The following GLYR1 variants were observed in gnomAD, a reference collection of about 807,000 sequenced individuals.
GLYR1 encodes cytokine-like nuclear factor N-PAC.
GLYR1 carries 21 observed loss-of-function variants against 72.7 expected under a neutral mutation model. That is an observed-to-expected ratio of 0.29 (90% CI 0.20 to 0.42). The LOEUF (loss-of-function observed/expected upper bound fraction) is 0.42, where lower values mean the gene tolerates loss of function less well. Among genes scored for constraint, GLYR1 ranks in the 10% least tolerant of loss-of-function variants. GLYR1 has a pLI of 1.00. For synonymous variants in GLYR1, 392 were observed against 270.2 expected (o/e 1.45, Z -4.42); for missense variants, 594 against 712.1 (o/e 0.83, Z 1.89).
chr16:4,823,523 C>T (rs1567719838), intron 6 of GLYR1, among the ~76,000 whole-genome samples: 1 of 152,142 alleles, frequency 6.6e-6, no homozygotes, highest in Non-Finnish European at 1.5e-5. Context: ...CTTGTGGAAT[C>T]ATCCCACTTT....
In GLYR1 at chr16:4,847,274, C is replaced by A. The variant is rs1268119838; in HGVS notation, c.-9G>T. Reference sequence around the variant, plus strand: ...AGACTCACAGCCGCCATCTTACCACCCAACCACCGCCGACGCACGGGCCGC... The same window carrying A: ...AGACTCACAGCCGCCATCTTACCACACAACCACCGCCGACGCACGGGCCGC... On this transcript the variant is annotated 5_prime_UTR_variant, in exon 1 of 16. Transcript: ENST00000321919. 10 of 1,610,042 alleles carry A rather than the reference C, an allele frequency of 6.2e-6. No individual in the cohort carries two copies. The African/African-American group carries it at 1.1e-4, about 17-fold the overall frequency.
At chr16:4,809,865 G>C (rs1367378440) in intron 15 of GLYR1, among the ~76,000 whole-genome samples, 1 of 150,216 alleles carries the variant, frequency 6.7e-6, no homozygotes, top group Non-Finnish European at 1.5e-5. Flanking sequence ...CAGAGGTTGC[G>C]GTGAGCCGAG....
chr16:4,838,720 G>A (rs952901904), intron 3 of GLYR1, among the ~76,000 whole-genome samples: 2 of 151,934 alleles, frequency 1.3e-5, no homozygotes, highest in Admixed American at 1.3e-4. Flanking sequence ...CCGAGTAGCT[G>A]GGACTACAGG....
chr16:4,844,272 A>T (rs2085787316), intron 3 of GLYR1, among the ~76,000 whole-genome samples: 1 of 152,230 alleles, frequency 6.6e-6, no homozygotes, highest in East Asian at 1.9e-4. Context: ...AGAGTCTCAG[A>T]TTAATGGTCC....
intron 14 of GLYR1, 90 bp downstream of exon 14, chr16:4,811,533 G>C: frequency 1.3e-6 from 2 of 1,483,652 alleles, no homozygotes; most frequent in South Asian, 1.2e-5. Context: ...TGACTGGGGA[G>C]GGGCATCTTT....
At position 4,812,262 on chromosome 16, in the gene GLYR1, T is replaced by C. The variant is rs1301323064; in HGVS notation, c.1120-14A>G. 4 of 1,608,876 alleles carry C rather than the reference T, an allele frequency of 2.5e-6. No individual in the cohort carries two copies. The highest frequency in any genetic ancestry group is 3.4e-6 in the Non-Finnish European group (4 of 1,178,722). On this transcript the variant is annotated splice_polypyrimidine_tract_variant and intron_variant, in intron 12 of 15. Transcript: ENST00000321919. ...GGACACAATCACCTGGAAAGAAAAG[T>C]CACAGCTTCTGGAGGCCTCCCCTCT...
chr16:4,809,567 G>T (rs1181765933), intron 15 of GLYR1, among the ~76,000 whole-genome samples: 2 of 148,912 alleles, frequency 1.3e-5, no homozygotes, highest in African/African-American at 2.5e-5. Context: ...AGCCGAGATC[G>T]TGCCACTGTA....
intron 3 of GLYR1, among the ~76,000 whole-genome samples, chr16:4,835,795 C>T (rs1324161629): frequency 1.3e-5 from 2 of 152,178 alleles, no homozygotes; most frequent in African/African-American, 4.8e-5. Flanking sequence ...TGTGCCACTG[C>T]ACTCCAGCCT....
Position 4,823,861 on chromosome 16 carries a change from C to A in GLYR1, c.584G>T (p.Gly195Val), listed in dbSNP as rs1555500532. 1.2e-6 allele frequency: 2 copies of A among 1,614,070 alleles called. No homozygotes were observed. Among genetic ancestry groups the A allele is most frequent in the Non-Finnish European group, 1.7e-6 (2 of 1,180,030 alleles). Residue 195 changes from glycine to valine, a missense_variant, in exon 6 of 16, where the codon GGA becomes GTA. Gly to Val is a moderately radical substitution (Grantham distance 109). Transcript: ENST00000321919. The part of the protein sequence containing the change: ...ESSTVKGMMA[G>V]PMAAFKWQPT... Reference sequence around the variant, plus strand: ...CTGCCATTTAAACGCGGCCATCGGTCCGGCCATCATCCCCTTCACGGTACT... The same window carrying A: ...CTGCCATTTAAACGCGGCCATCGGTACGGCCATCATCCCCTTCACGGTACT...
At chr16:4,814,689 A>C in intron 10 of GLYR1, 42 bp from the exon 11 acceptor site, 1 of 1,455,412 alleles carries the variant, frequency 6.9e-7, no homozygotes, top group East Asian at 2.3e-5. Context: ...CAGGCAGTGC[A>C]CAACAAACAT....
At chr16:4,837,994 G>C (rs539449724) in intron 3 of GLYR1, among the ~76,000 whole-genome samples, 1 of 151,766 alleles carries the variant, frequency 6.6e-6, no homozygotes, top group African/African-American at 2.4e-5. Context: ...TAAAAATACA[G>C]GTGAGAACAA....
chr16:4,825,335 C>G (rs1018377717), intron 5 of GLYR1, among the ~76,000 whole-genome samples: 6 of 152,228 alleles, frequency 3.9e-5, no homozygotes, highest in Admixed American at 3.3e-4. Context: ...TCGTTAGCAC[C>G]CTGCTGGCTT....
intron 3 of GLYR1, among the ~76,000 whole-genome samples, chr16:4,840,621 T>C (rs2085481140): frequency 6.6e-6 from 1 of 152,180 alleles, no homozygotes; most frequent in African/African-American, 2.4e-5. Context: ...TGGACCAATG[T>C]GTGCTAATAC....
At chr16:4,833,450 G>A (rs1378837015) in intron 3 of GLYR1, among the ~76,000 whole-genome samples, 1 of 152,138 alleles carries the variant, frequency 6.6e-6, no homozygotes, top group East Asian at 1.9e-4. Flanking sequence ...TTACAGAGCT[G>A]AAGAAATGCA....
intron 15 of GLYR1, among the ~76,000 whole-genome samples, chr16:4,806,796 TTC>T (rs1256011284): frequency 6.6e-6 from 1 of 150,876 alleles, no homozygotes; most frequent in Admixed American, 6.6e-5. Context: ...GAAACTGGAA[TTC>T]TTTTTTCTTT....
At chr16:4,828,318 C>T (rs908855968) in intron 5 of GLYR1, among the ~76,000 whole-genome samples, 1 of 152,022 alleles carries the variant, frequency 6.6e-6, no homozygotes, top group African/African-American at 2.4e-5. Context: ...ATCCGCCCGC[C>T]TCGGCCTCCC....
chr16:4,820,113 T>C (rs2083917421), intron 9 of GLYR1, among the ~76,000 whole-genome samples: 1 of 152,184 alleles, frequency 6.6e-6, no homozygotes, highest in Non-Finnish European at 1.5e-5. Context: ...TTCTCCCACC[T>C]CAGCCTCCCA....
intron 10 of GLYR1, among the ~76,000 whole-genome samples, chr16:4,815,453 G>A (rs879115049): frequency 6.6e-6 from 1 of 152,206 alleles, no homozygotes; most frequent in Admixed American, 6.5e-5. Context: ...GAGATATACT[G>A]TGATTTACCT....
chr16:4,846,219 A>G lies in GLYR1; in HGVS notation c.39-9T>C, dbSNP rs1567842856. ...ATCGGCCGAGTTTCCCCCTAGAGAA[A>G]ACACAAAGAGTCAACACTTGCCCTG... On this transcript the variant is annotated splice_polypyrimidine_tract_variant and intron_variant, in intron 1 of 15. Coordinates refer to ENST00000321919, the MANE Select transcript of GLYR1 (RefSeq NM_032569.4). 6.2e-7 allele frequency: 1 copy of G among 1,613,796 alleles called. No homozygotes were observed. Among genetic ancestry groups the G allele is most frequent in the African/African-American group, 1.3e-5 (1 of 74,920 alleles).
Sources: allele counts gnomAD v4.1 joint callset (sites outside exome capture counted in the v4.1 genomes callset), GRCh38; gene constraint gnomAD v4.1.1; transcripts MANE v1.5; gene names NCBI Gene and HGNC (gene_info 2026-07-23, HGNC 2026-07-21).